Variants in PLCE1 observed in about 807,000 individuals in gnomAD.
The protein encoded by PLCE1 is 1-phosphatidylinositol 4,5-bisphosphate phosphodiesterase epsilon-1.
PLCE1 carries 119 observed loss-of-function variants against 242.8 expected under a neutral mutation model. The observed-to-expected ratio is 0.49, with a 90% CI of 0.42 to 0.57. PLCE1 has a LOEUF of 0.57. PLCE1 is among the 20% of genes least tolerant of loss of function. PLCE1 has a pLI of 0.00. For synonymous variants in PLCE1, 945 were observed against 1,017.4 expected, an observed-to-expected ratio of 0.93 and a Z score of 1.35; for missense variants, 2,441 against 2,788.8, an observed-to-expected ratio of 0.88 and a Z score of 2.81.
rs535473880 is a variant in PLCE1 at position 94,329,012 on chromosome 10, T to A, written c.*1069T>A. ...GCAAGGTTTGTACTGACACTATACT[T>A]ATATATTTATTATACATCGCTCTCT... On this transcript the variant is annotated 3_prime_UTR_variant, in exon 33 of 33. Coordinates refer to ENST00000371380, the MANE Select transcript of PLCE1 (RefSeq NM_016341.4). 2 of 152,338 alleles carry A rather than the reference T, an allele frequency of 1.3e-5. No homozygotes were observed. Among genetic ancestry groups the A allele is most frequent in the South Asian group, 2.1e-4 (1 of 4,832 alleles). The allele number at this position is 152,338 out of a possible 1,614,324, so 9.4% of individuals were successfully genotyped here. A position where few individuals can be genotyped will look rare whatever the true frequency, so the allele number is the denominator to read the frequency against.
intron 24 of PLCE1, among the ~76,000 whole-genome samples, chr10:94,299,843 T>C (rs779746951): frequency 6.6e-6 from 1 of 152,234 alleles, no homozygotes; most frequent in Non-Finnish European, 1.5e-5. Context: ...AATAAGATGA[T>C]GCCGGTGAAG....
chr10:94,131,272 C>T (rs895969502), intron 2 of PLCE1, among the ~76,000 whole-genome samples: 34 of 152,196 alleles, frequency 2.2e-4, no homozygotes, highest in African/African-American at 8.0e-4. Flanking sequence ...TGACAAATTC[C>T]AAGTCCTCCC....
rs79118104 is a variant in PLCE1, at chr10:94,318,533, T to C, written c.6342+1777T>C. Among the ~76,000 whole-genome samples the C allele has an allele frequency of 2.4e-3, 369 of 152,268 alleles. 1 individual carries two copies. The highest frequency in any genetic ancestry group is 8.5e-3 in the African/African-American group (353 of 41,566). ...GGTGAAATCATGACAGGGTTAGAAG[T>C]AGAAAGAACTCAAGTCTATGGCTTC... is the stretch of plus-strand genomic sequence containing the variant. On this transcript the variant is annotated intron_variant, in intron 29 of 32. Transcript: ENST00000371380.
At chr10:94,132,668 A>T (rs945186279) in intron 3 of PLCE1, among the ~76,000 whole-genome samples, 3 of 151,514 alleles carry the variant, frequency 2.0e-5, no homozygotes, top group Non-Finnish European at 4.4e-5. Flanking sequence ...TAAGATTTTG[A>T]GGCCGGGTGC....
At chr10:94,247,358 A>C (rs1476562548) in intron 8 of PLCE1, among the ~76,000 whole-genome samples, 1 of 151,984 alleles carries the variant, frequency 6.6e-6, no homozygotes. Flanking sequence ...ACTACATAAA[A>C]ATAGTCCCAG....
chr10:94,296,095 G>A (rs1046055033), intron 23 of PLCE1, among the ~76,000 whole-genome samples: 2 of 152,162 alleles, frequency 1.3e-5, no homozygotes, highest in Non-Finnish European at 2.9e-5. Context: ...GGGTGTGGTG[G>A]CTCATGCCTG....
chr10:94,260,798 G>A (rs571203933), intron 13 of PLCE1, among the ~76,000 whole-genome samples: 1 of 152,086 alleles, frequency 6.6e-6, no homozygotes, highest in South Asian at 2.1e-4. Context: ...CAAAGTGCAG[G>A]GATCTTAGGC....
In PLCE1 at chr10:94,182,826, C is replaced by T. The variant is rs1365275648; in HGVS notation, c.1809+11330C>T. Reference sequence around the variant, plus strand: ...GTCAAAGCCATTGACTTATTGGAGACATGTTTAATTCTGTTTTAAAGCAGG... The same window carrying T: ...GTCAAAGCCATTGACTTATTGGAGATATGTTTAATTCTGTTTTAAAGCAGG... On this transcript the variant is annotated intron_variant, in intron 4 of 32. Transcript: ENST00000371380. Among the ~76,000 whole-genome samples, 5 of 152,286 alleles carry T rather than the reference C, an allele frequency of 3.3e-5. No homozygotes were observed. In the South Asian group the frequency reaches 1.0e-3, roughly 32 times the overall value.
intron 3 of PLCE1, among the ~76,000 whole-genome samples, chr10:94,155,075 A>G (rs536238956): frequency 6.6e-6 from 1 of 152,092 alleles, no homozygotes; most frequent in East Asian, 1.9e-4. Flanking sequence ...AACAATTGGA[A>G]TGTCCTCCAG....
At chr10:94,266,056 G>T in intron 16 of PLCE1, 98 bp downstream of exon 16, 1 of 1,101,606 alleles carries the variant, frequency 9.1e-7, no homozygotes, top group Non-Finnish European at 1.4e-6. Flanking sequence ...CCTTTGAAGA[G>T]CTTATAGAGT....
chr10:94,162,731 C>G (rs1473814381), intron 3 of PLCE1, among the ~76,000 whole-genome samples: 1 of 152,124 alleles, frequency 6.6e-6, no homozygotes, highest in East Asian at 1.9e-4. Flanking sequence ...TTCTCTAGTT[C>G]TTTTAATTGT....
intron 1 of PLCE1, among the ~76,000 whole-genome samples, chr10:94,009,705 C>A (rs1237997409): frequency 1.3e-5 from 2 of 152,178 alleles, no homozygotes; most frequent in African/African-American, 4.8e-5. Flanking sequence ...AAGAAAGGGG[C>A]AAGAAGCCCG....
chr10:94,225,918 C>T (rs1047714957), intron 4 of PLCE1, among the ~76,000 whole-genome samples: 1 of 152,218 alleles, frequency 6.6e-6, no homozygotes, highest in Non-Finnish European at 1.5e-5. Flanking sequence ...CTCTGTGTTC[C>T]GGCCTCTCTA....
intron 24 of PLCE1, among the ~76,000 whole-genome samples, chr10:94,303,037 A>G (rs1401374044): frequency 6.6e-6 from 1 of 152,218 alleles, no homozygotes; most frequent in African/African-American, 2.4e-5. Flanking sequence ...CAGGACTGGC[A>G]GGGGCCTGAG....
At chr10:94,068,993 G>C (rs2044277223) in intron 2 of PLCE1, among the ~76,000 whole-genome samples, 2 of 152,216 alleles carry the variant, frequency 1.3e-5, no homozygotes, top group Admixed American at 6.5e-5. Flanking sequence ...GGCAAATAGG[G>C]AGTATTCAAT....
At chr10:94,220,891 G>A (rs1042543337) in intron 4 of PLCE1, among the ~76,000 whole-genome samples, 1 of 152,162 alleles carries the variant, frequency 6.6e-6, no homozygotes, top group Non-Finnish European at 1.5e-5. Flanking sequence ...GTGCACACAG[G>A]TCTACCTACC....
chr10:94,048,614 G>A (rs898882393), intron 2 of PLCE1, among the ~76,000 whole-genome samples: 6 of 149,880 alleles, frequency 4.0e-5, no homozygotes, highest in African/African-American at 1.5e-4. Flanking sequence ...TGGGTTGCTT[G>A]TGCTTCTTTA....
intron 2 of PLCE1, chr10:94,104,027 T>C (rs944717322): frequency 2.0e-5 from 3 of 152,228 alleles, no homozygotes; most frequent in East Asian, 1.9e-4. Context: ...ATCCTTGTCT[T>C]GTCCAATGTA....
At chr10:94,059,913 T>C (rs2044001795) in intron 2 of PLCE1, among the ~76,000 whole-genome samples, 1 of 152,234 alleles carries the variant, frequency 6.6e-6, no homozygotes, top group South Asian at 2.1e-4. Context: ...CTTCTGTTTG[T>C]TAGTTTCTAT....
Sources: allele counts gnomAD v4.1 joint callset (sites outside exome capture counted in the v4.1 genomes callset), GRCh38; gene constraint gnomAD v4.1.1; transcripts MANE v1.5; gene names NCBI Gene and HGNC (gene_info 2026-07-23, HGNC 2026-07-21).